Variants in SLC35B1 observed in about 807,000 individuals in gnomAD.
The protein encoded by SLC35B1 is ATP/ADP exchanger ER.
SLC35B1 carries 27 observed loss-of-function variants against 36.6 expected under a neutral mutation model. The ratio of observed to expected loss-of-function variants is 0.74; its 90% confidence interval spans 0.54 to 1.02. The LOEUF (loss-of-function observed/expected upper bound fraction) is 1.02, where lower values mean the gene tolerates loss of function less well. SLC35B1 is among the 50% of genes least tolerant of loss of function. The pLI is 0.00. For missense variants in SLC35B1, 321 were observed against 383.2 expected (o/e 0.84, Z 1.35); for synonymous variants, 162 against 152.5 (o/e 1.06, Z -0.46).
At chr17:49,702,790 C>T in intron 8 of SLC35B1, 68 bp downstream of exon 8, 2 of 1,486,452 alleles carry the variant, frequency 1.3e-6, no homozygotes, top group South Asian at 2.5e-5. Flanking sequence ...AAACAAATTT[C>T]ATAAATATAC....
intron 4 of SLC35B1, 130 bp downstream of exon 4, chr17:49,705,736 G>T (rs1022978176): frequency 1.5e-5 from 13 of 846,120 alleles, no homozygotes; most frequent in Non-Finnish European, 2.6e-5. Flanking sequence ...GCAGCAGGGA[G>T]AGCTGGGGGA....
In SLC35B1 at chr17:49,705,247, C is replaced by T. The variant is rs375490926; in HGVS notation, c.405G>A (p.Lys135=). 7.4e-5 allele frequency: 120 copies of T among 1,614,046 alleles called. No individual in the cohort carries two copies. Among genetic ancestry groups the T allele is most frequent in the Non-Finnish European group, 9.7e-5 (115 of 1,180,016 alleles). ...CACACAGGTACTTGGCCAACGGGTA[C>T]TTCTTCTTCAAGAGGGTCACCCCAA... ...MLLGVTLLKK[K]YPLAKYLCVL... is the part of the protein sequence containing the mutation. The change falls in exon 5 of 9, where the codon AAG becomes AAA. Residue 135 remains lysine (K), a synonymous_variant. Coordinates refer to ENST00000240333, the MANE Select transcript of SLC35B1 (RefSeq NM_005827.4).
At chr17:49,705,702 G>A (rs2073407146) in intron 4 of SLC35B1, 164 bp downstream of exon 4, 1 of 730,446 alleles carries the variant, frequency 1.4e-6, no homozygotes, top group Non-Finnish European at 2.4e-6. Flanking sequence ...AACATCACAA[G>A]AAGTGACACA....
At chr17:49,707,433 C>T in intron 1 of SLC35B1, 1 of 1,453,566 alleles carries the variant, frequency 6.9e-7, no homozygotes. Context: ...CAAAAGGGGG[C>T]CGACTCGGGT....
chr17:49,705,781 G>T, intron 4 of SLC35B1, 85 bp downstream of exon 4: 1 of 1,338,518 alleles, frequency 7.5e-7, no homozygotes, highest in Non-Finnish European at 1.1e-6. Context: ...GGATGATGAA[G>T]CCGAGAGGGA....
rs763916931 is a variant in SLC35B1, at chr17:49,704,119, C to T, written c.636G>A (p.Ser212=). 3.2e-5 allele frequency: 52 copies of T among 1,614,012 alleles called. No individual in the cohort carries two copies. Among genetic ancestry groups the T allele is most frequent in the South Asian group, 5.5e-5 (5 of 91,074 alleles). The change falls in exon 6 of 9, where the codon TCG becomes TCA. Residue 212 remains serine, a synonymous_variant. Coordinates refer to ENST00000240333, the MANE Select transcript of SLC35B1 (RefSeq NM_005827.4). ...NHMMLNINLW[S]TLLLGMGILF... is the part of the protein sequence containing the mutation. Reference sequence around the variant, plus strand: ...TCTCACCCATTCCCAGCAGCAATGTCGACCAAAGGTTGATGTTCAGCATCA... The same window carrying T: ...TCTCACCCATTCCCAGCAGCAATGTTGACCAAAGGTTGATGTTCAGCATCA...
intron 2 of SLC35B1, 133 bp from the exon 3 acceptor site, chr17:49,706,467 C>G: frequency 1.2e-6 from 1 of 803,112 alleles, no homozygotes; most frequent in East Asian, 3.0e-5. Context: ...GTCTGTCAAA[C>G]AAGACACAAG....
intron 7 of SLC35B1, 62 bp downstream of exon 7, chr17:49,703,126 T>G: frequency 1.3e-6 from 2 of 1,589,284 alleles, no homozygotes; most frequent in Non-Finnish European, 1.7e-6. Context: ...GCCAGGCCAG[T>G]CTTTCTTAGG....
Position 49,702,948 on chromosome 17 carries a change from G to T in SLC35B1, c.826C>A (p.Arg276=). ...GAGGCCAAAATTGTGAAGAACTTTC[G>T]AGTTGTAGTGATGATGGAGCAGGTC... is the stretch of plus-strand genomic sequence containing the variant. ...PLTCSIITTT[R]KFFTILASVI... The change falls in exon 8 of 9, where the codon CGA becomes AGA. Residue 276 remains arginine, a synonymous_variant. Transcript: ENST00000240333. The T allele has an allele frequency of 6.2e-7, 1 of 1,614,076 alleles. No individual in the cohort carries two copies. Among genetic ancestry groups the T allele is most frequent in the South Asian group, 1.1e-5 (1 of 91,076 alleles).
chr17:49,707,090 A>T (rs374456342), intron 1 of SLC35B1, 22 bp from the exon 2 acceptor site: 2 of 1,574,054 alleles, frequency 1.3e-6, no homozygotes, highest in African/African-American at 2.7e-5. Flanking sequence ...ATGCATGAGA[A>T]AAGAGGGAGA....
At chr17:49,706,122 T>TTTTAAAAAA in intron 3 of SLC35B1, 82 bp downstream of exon 3, 2 of 1,239,700 alleles carry the variant, frequency 1.6e-6, no homozygotes, top group African/African-American at 1.7e-5. Flanking sequence ...TTTTTTTTTT[T>TTTTAAAAAA]AACTCACAGA....
At chr17:49,706,100 A>ATTT in intron 3 of SLC35B1, 104 bp downstream of exon 3, 1 of 1,006,080 alleles carries the variant, frequency 9.9e-7, no homozygotes. Flanking sequence ...CAGGACCGTT[A>ATTT]TCTTTTTTTT....
rs1225436147 is a variant in SLC35B1 at position 49,707,919 on chromosome 17, T to C, written c.-86A>G. 2.7e-5 allele frequency: 43 copies of C among 1,576,464 alleles called. No individual in the cohort carries two copies. The highest frequency in any genetic ancestry group is 3.4e-5 in the Non-Finnish European group (40 of 1,161,240). ...CGGAGGCGACAGCTCCAGCCGGACA[T>C]CGCCGACCGGCGGCAGGGGCCTCAT... is the stretch of plus-strand genomic sequence containing the variant. On this transcript the variant is annotated 5_prime_UTR_variant, in exon 1 of 9. An upstream start codon of the reference 5' UTR is lost. Coordinates refer to ENST00000240333, the MANE Select transcript of SLC35B1 (RefSeq NM_005827.4).
chr17:49,705,616 T>C (rs534147428), intron 4 of SLC35B1: 1 of 598,222 alleles, frequency 1.7e-6, no homozygotes, highest in South Asian at 2.0e-5. Context: ...TATAAACACA[T>C]GCAACACAGA....
chr17:49,706,474 C>G, intron 2 of SLC35B1, 140 bp from the exon 3 acceptor site: 1 of 761,302 alleles, frequency 1.3e-6, no homozygotes, highest in Non-Finnish European at 1.9e-6. Context: ...AAACAAGACA[C>G]AAGCTATTTC....
At position 49,701,257 on chromosome 17, in the gene SLC35B1, G is replaced by T; in HGVS notation, c.*201C>A. The T allele has an allele frequency of 3.6e-6, 2 of 552,400 alleles. No homozygotes were observed. Among genetic ancestry groups the T allele is most frequent in the South Asian group, 2.2e-5 (1 of 45,428 alleles). The allele number at this position is 552,400 out of a possible 1,614,324, so 34.2% of individuals were successfully genotyped here. On this transcript the variant is annotated 3_prime_UTR_variant, in exon 9 of 9. Coordinates refer to ENST00000240333, the MANE Select transcript of SLC35B1 (RefSeq NM_005827.4). ...CTTTTATTTACCATAGACTGCTCCAGGGCATGAAGAACAAAAACCACCACT... is the reference window on the plus strand; with the variant it reads ...CTTTTATTTACCATAGACTGCTCCATGGCATGAAGAACAAAAACCACCACT...
intron 4 of SLC35B1, chr17:49,705,649 G>A: frequency 1.6e-6 from 1 of 620,038 alleles, no homozygotes. Context: ...AGTGAAGCAG[G>A]CTAGGTCAGC....
At chr17:49,705,803 C>CAA in intron 4 of SLC35B1, 63 bp downstream of exon 4, 2 of 1,505,562 alleles carry the variant, frequency 1.3e-6, no homozygotes, top group Non-Finnish European at 1.8e-6. Context: ...ACAGTTGTAG[C>CAA]AGAGAGAGAG....
intron 8 of SLC35B1, chr17:49,702,471 C>G (rs1320289608): frequency 5.9e-6 from 1 of 168,528 alleles, no homozygotes; most frequent in Non-Finnish European, 1.3e-5. Context: ...GTGGCTCATG[C>G]CTGTAATCCC....
Sources: gnomAD v4.1 joint callset for allele counts on GRCh38, gnomAD v4.1.1 for gene constraint, MANE v1.5 for transcripts, NCBI Gene and HGNC (gene_info 2026-07-23, HGNC 2026-07-21) for gene names.